The following BTD variants were observed in gnomAD, a reference collection of about 807,000 sequenced individuals.
BTD encodes biotinidase.
In BTD, 13 loss-of-function variants were observed where a neutral mutation model predicts 17.7. That is an observed-to-expected ratio of 0.74 (90% CI 0.48 to 1.17). BTD has a LOEUF of 1.17. BTD is among the 50% of genes most tolerant of loss of function. The pLI is 0.00. For synonymous variants in BTD, 240 were observed against 245.2 expected (o/e 0.98, Z 0.20); for missense variants, 674 against 650.4 (o/e 1.04, Z -0.39).
intron 1 of BTD, among the ~76,000 whole-genome samples, chr3:15,613,294 T>C (rs550134524): frequency 6.6e-6 from 1 of 152,382 alleles, no homozygotes; most frequent in South Asian, 2.1e-4. Context: ...CTGTTCTCCC[T>C]GTCTATCATT....
At chr3:15,662,766 C>T (rs1400990618) in intron 3 of BTD, among the ~76,000 whole-genome samples, 1 of 151,656 alleles carries the variant, frequency 6.6e-6, no homozygotes, top group South Asian at 2.1e-4. Flanking sequence ...GCCTGAGCAG[C>T]TGGAACTATA....
intron 1 of BTD, among the ~76,000 whole-genome samples, chr3:15,614,603 T>C (rs1271721652): frequency 2.0e-5 from 3 of 150,690 alleles, no homozygotes; most frequent in East Asian, 1.9e-4. Flanking sequence ...TTTTTCTTTT[T>C]TTTTTTTTTT....
Position 15,661,288 on chromosome 3 carries a change from A to AAAAAAG in BTD, c.399+19245_399+19250dup, listed in dbSNP as rs535549968. ...CTCAAAAAAAAAAAAAAAAAAAAAA[A>AAAAAAG]AAAAAGAAAAAGAAAAAGAGCTCCT... On this transcript the variant is annotated intron_variant, in intron 3 of 3. Transcript: ENST00000672141. Among the ~76,000 whole-genome samples, 6 of 71,656 alleles carry AAAAAAG rather than the reference A, an allele frequency of 8.4e-5. No individual in the cohort carries two copies. The East Asian group carries it at 3.4e-3, about 40-fold the overall frequency. The allele number at this position is 71,656 out of a possible 152,430, so 47.0% of individuals were successfully genotyped here. A position where few individuals can be genotyped will look rare whatever the true frequency, so the allele number is the denominator to read the frequency against.
intron 3 of BTD, chr3:15,667,141 C>A (rs2066018186): frequency 6.6e-6 from 1 of 152,092 alleles, no homozygotes; most frequent in Admixed American, 6.6e-5. Context: ...GCTAAAAAGT[C>A]ATTTTTTTAT....
chr3:15,611,830 C>G (rs2125356521), intron 1 of BTD, among the ~76,000 whole-genome samples: 1 of 150,834 alleles, frequency 6.6e-6, no homozygotes. Flanking sequence ...AACTACTCGT[C>G]TAAATTTTCT....
intron 1 of BTD, among the ~76,000 whole-genome samples, chr3:15,603,244 A>G (rs1374914803): frequency 6.6e-6 from 1 of 152,162 alleles, no homozygotes; most frequent in African/African-American, 2.4e-5. Context: ...AAAACCAATC[A>G]TGCCTTCCCA....
chr3:15,710,831 C>T (rs2072169278), exon 4 of BTD, among the ~76,000 whole-genome samples: 1 of 151,634 alleles, frequency 6.6e-6, no homozygotes, highest in Admixed American at 6.6e-5. Context: ...CATTTTTTTC[C>T]TGGGGGAAAA....
intron 3 of BTD, chr3:15,685,214 T>C (rs780077858): frequency 2.3e-5 from 37 of 1,611,930 alleles, no homozygotes; most frequent in Non-Finnish European, 3.0e-5. Context: ...CATTTGTGTT[T>C]GTATACTTAA....
intron 4 of BTD, chr3:15,721,015 T>C: frequency 1.2e-6 from 2 of 1,613,960 alleles, no homozygotes; most frequent in Non-Finnish European, 1.7e-6. Flanking sequence ...TCCTTTTTCA[T>C]TCTTTTGATT....
intron 1 of BTD, among the ~76,000 whole-genome samples, chr3:15,612,690 T>A (rs1242608289): frequency 6.6e-6 from 1 of 151,492 alleles, no homozygotes; most frequent in African/African-American, 2.4e-5. Flanking sequence ...ATCTTTAATT[T>A]TTTTTTTTTT....
chr3:15,714,562 C>T, downstream of BTD: 2 of 1,129,216 alleles, frequency 1.8e-6, no homozygotes, highest in South Asian at 1.7e-5. Context: ...AAAAAAAAAA[C>T]AGAAATACTT....
At chr3:15,623,548 A>G (rs2065000923) in intron 1 of BTD, among the ~76,000 whole-genome samples, 1 of 151,840 alleles carries the variant, frequency 6.6e-6, no homozygotes, top group South Asian at 2.1e-4. Flanking sequence ...TTGTCACATG[A>G]TTTTGTCTGA....
intron 1 of BTD, among the ~76,000 whole-genome samples, chr3:15,622,803 A>T (rs561043072): frequency 6.6e-6 from 1 of 152,126 alleles, no homozygotes; most frequent in Non-Finnish European, 1.5e-5. Context: ...TTTGTGACCC[A>T]CTTTTTAATC....
chr3:15,678,179 G>T (rs1255508540), intron 3 of BTD: 29 of 1,579,432 alleles, frequency 1.8e-5, no homozygotes, highest in Non-Finnish European at 2.5e-5. Context: ...ACATACTTAG[G>T]AAAATACAAT....
rs2065754385 is a variant in BTD, at chr3:15,648,979, C to T, written c.*3491C>T. 6.6e-6 allele frequency among the ~76,000 whole-genome samples: 1 copy of T among 152,218 alleles called. No individual in the cohort carries two copies. Among genetic ancestry groups the T allele is most frequent in the Non-Finnish European group, 1.5e-5 (1 of 68,042 alleles). On this transcript the variant is annotated 3_prime_UTR_variant, in exon 4 of 4. Coordinates refer to ENST00000643237, the MANE Select transcript of BTD (RefSeq NM_001370658.1). ...CAAGAAACAACTCCCCACACACAAC[C>T]CACCCCTGCAGGTTTCAGAAGAAGC...
At chr3:15,693,855 T>A (rs1158482530) in intron 3 of BTD, among the ~76,000 whole-genome samples, 1 of 152,122 alleles carries the variant, frequency 6.6e-6, no homozygotes, top group Non-Finnish European at 1.5e-5. Flanking sequence ...AATGTATATA[T>A]GTCAGTGTTA....
chr3:15,690,673 TCC>T (rs752018992), intron 3 of BTD, among the ~76,000 whole-genome samples: 16 of 152,164 alleles, frequency 1.1e-4, no homozygotes, highest in Non-Finnish European at 1.6e-4. Flanking sequence ...TAAGTGATCC[TCC>T]CACCTCAGCC....
intron 1 of BTD, among the ~76,000 whole-genome samples, chr3:15,629,748 G>T (rs2065158261): frequency 6.6e-6 from 1 of 152,070 alleles, no homozygotes; most frequent in Non-Finnish European, 1.5e-5. Flanking sequence ...ATTAAAGCTT[G>T]ACCACTAAAT....
At chr3:15,609,058 G>C (rs1299632193) in intron 1 of BTD, among the ~76,000 whole-genome samples, 1 of 152,192 alleles carries the variant, frequency 6.6e-6, no homozygotes, top group Non-Finnish European at 1.5e-5. Flanking sequence ...GGGTTTGGGG[G>C]TTGAACTGGG....
Sources: allele counts gnomAD v4.1 joint callset (sites outside exome capture counted in the v4.1 genomes callset), GRCh38; gene constraint gnomAD v4.1.1; transcripts MANE v1.5; gene names NCBI Gene and HGNC (gene_info 2026-07-23, HGNC 2026-07-21).